KIF13A: variants seen among roughly 807,000 people sequenced by gnomAD.
KIF13A encodes the protein kinesin-like protein KIF13A.
KIF13A carries 79 observed loss-of-function variants against 212.2 expected under a neutral mutation model. The ratio of observed to expected loss-of-function variants is 0.37; its 90% CI spans 0.31 to 0.45. The LOEUF is 0.45. Among genes scored for constraint, KIF13A ranks in the 20% least tolerant of loss-of-function variants. KIF13A has a pLI of 1.00. For synonymous variants in KIF13A, 789 were observed against 808.6 expected (o/e 0.98, Z 0.41); for missense variants, 1,901 against 2,209.0 (o/e 0.86, Z 2.79).
rs762715970 is a variant in KIF13A, at chr6:17,987,422, G to T, written c.42C>A (p.Pro14=). 3.4e-5 allele frequency: 46 copies of T among 1,359,344 alleles called. No homozygotes were observed. Among genetic ancestry groups the T allele is most frequent in the Non-Finnish European group, 4.4e-5 (45 of 1,026,202 alleles). The allele number at this position is 1,359,344 out of a possible 1,614,324, so 84.2% of individuals were successfully genotyped here. The change falls in exon 1 of 39, where the codon CCC becomes CCA. Residue 14 remains proline (P), a synonymous_variant. Coordinates refer to ENST00000259711, the MANE Select transcript of KIF13A (RefSeq NM_022113.6). This position sits in a 1 kb window ranked among gnomAD's most constrained non-coding sequence, Gnocchi z 7.7. ...AAAGCTCCTCACCTCGTCGGTTCAT[G>T]GGCCGGACCCGGACGGCAACTTTTA... is the stretch of plus-strand genomic sequence containing the variant. ...TKVKVAVRVR[P]MNRRELELNT...
intron 2 of KIF13A, among the ~76,000 whole-genome samples, chr6:17,924,538 G>A (rs1775335309): frequency 6.6e-6 from 1 of 152,104 alleles, no homozygotes; most frequent in African/African-American, 2.4e-5. Context: ...AGGACTCGCA[G>A]GAAAAATGAA....
chr6:17,953,485 T>C (rs1410469475), intron 2 of KIF13A: 1 of 152,240 alleles, frequency 6.6e-6, no homozygotes, highest in Non-Finnish European at 1.5e-5. Context: ...CAGAAATTCC[T>C]TGGGTTCTTT....
Position 17,957,063 on chromosome 6 carries a change from G to A in KIF13A, c.146+29991C>T, listed in dbSNP as rs555888120. Among the ~76,000 whole-genome samples the A allele has an allele frequency of 5.3e-5, 8 of 152,228 alleles. No homozygotes were observed. In the South Asian group the frequency reaches 1.7e-3, roughly 32 times the overall value. ...GCCTGGCTAATTTCCTGTGTTTTTA[G>A]TAGAGACAGGGTTTCACCATGTTGG... On this transcript the variant is annotated intron_variant, in intron 2 of 38. Transcript: ENST00000259711.
chr6:17,910,766 CGTT>C (rs1389558282), intron 2 of KIF13A, among the ~76,000 whole-genome samples: 6 of 151,986 alleles, frequency 3.9e-5, no homozygotes, highest in African/African-American at 7.2e-5. Context: ...TTTTGGTTGT[CGTT>C]GTTGTTGTTT....
chr6:17,911,678 CG>C (rs1774072831), intron 2 of KIF13A, among the ~76,000 whole-genome samples: 1 of 115,824 alleles, frequency 8.6e-6, no homozygotes, highest in Non-Finnish European at 1.7e-5. Context: ...GGGGTTGTGG[CG>C]GGGGGTGGTT....
intron 2 of KIF13A, among the ~76,000 whole-genome samples, chr6:17,930,957 C>T (rs1312951183): frequency 6.6e-6 from 1 of 152,210 alleles, no homozygotes; most frequent in Non-Finnish European, 1.5e-5. Context: ...TAATCAACAT[C>T]CGGCAGGTTC....
In KIF13A at chr6:17,915,948, TAA is replaced by T. The variant is rs1212179293; in HGVS notation, c.147-17770_147-17769del. 9.7e-5 allele frequency among the ~76,000 whole-genome samples: 12 copies of T among 123,314 alleles called. No homozygotes were observed. Among genetic ancestry groups the T allele is most frequent in the African/African-American group, 3.9e-4 (11 of 28,218 alleles). 80.9% of individuals were successfully genotyped at this position (123,314 alleles called of 152,430 possible). A position where few individuals can be genotyped will look rare whatever the true frequency, so the allele number is the denominator to read the frequency against. ...AGAGAGCCAGTCTCAAAAAAAAAAATAAAAATAAAAATAAAATAAAATAAAAT... is the reference window on the plus strand; with the variant it reads ...AGAGAGCCAGTCTCAAAAAAAAAAATAAATAAAAATAAAATAAAATAAAAT... On this transcript the variant is annotated intron_variant, in intron 2 of 38. Transcript: ENST00000259711. The surrounding 1 kb of genome is among the most constrained non-coding windows in gnomAD (Gnocchi z 4.4).
downstream of KIF13A, chr6:17,760,675 G>A (rs776572831): frequency 4.1e-5 from 25 of 607,126 alleles, no homozygotes; most frequent in South Asian, 8.0e-5. Flanking sequence ...ACAAAGTGCC[G>A]CTTCTCCCAC....
chr6:17,975,560 C>T (rs1017416496), intron 2 of KIF13A, among the ~76,000 whole-genome samples: 1 of 152,160 alleles, frequency 6.6e-6, no homozygotes, highest in South Asian at 2.1e-4. Context: ...AAAAAAGCTT[C>T]CAGTACAGAA....
In KIF13A at chr6:17,825,878, G is replaced by A. The variant is rs370847942; in HGVS notation, c.1676C>T (p.Thr559Met). 18 of 1,613,794 alleles carry A rather than the reference G, an allele frequency of 1.1e-5. No individual in the cohort carries two copies. The highest frequency in any genetic ancestry group is 4.4e-5 in the South Asian group (4 of 91,084). Residue 559 changes from threonine to methionine, a missense_variant, in exon 16 of 39, where the codon ACG becomes ATG. Thr to Met is a moderately conservative substitution (Grantham distance 81). Around this residue, in one of 5 missense-constraint regions of KIF13A, gnomAD observed 534 missense variants for 536.9 expected, o/e 0.99. Transcript: ENST00000259711. The surrounding 1 kb of genome is among the most constrained non-coding windows in gnomAD (Gnocchi z 4.5). ...RDWLKDFEKETGPPEHDLDAA... is the reference protein window; with the variant it reads ...RDWLKDFEKEMGPPEHDLDAA... ...ATCCAGGTCATGCTCTGGCGGGCCC[G>A]TTTCTTTTTCAAAGTCTTTCAACCA...
chr6:17,771,962 T>C lies in KIF13A; in HGVS notation c.4422A>G (p.Lys1474=). The change falls in exon 37 of 39, where the codon AAA becomes AAG. Residue 1474 remains lysine (K), a synonymous_variant. Transcript: ENST00000259711. The surrounding 1 kb of genome is among the most constrained non-coding windows in gnomAD (Gnocchi z 5.4). ...PKFFKPLMPV[K]EEHKKRIALE... The stretch of plus-strand genomic sequence containing the variant: ...GGGCTATCCTTTTCTTATGCTCCTC[T>C]TTTACAGGCATTAGGGGCTTGAAAA... 6.2e-7 allele frequency: 1 copy of C among 1,614,008 alleles called. No individual in the cohort carries two copies. The highest frequency in any genetic ancestry group is 8.5e-7 in the Non-Finnish European group (1 of 1,179,870).
At position 17,934,148 on chromosome 6, in the gene KIF13A, A is replaced by T. The variant is rs6459580; in HGVS notation, c.147-35968T>A. 0.72 allele frequency among the ~76,000 whole-genome samples: 109,428 copies of T among 152,020 alleles called. 39,956 individuals carry two copies. The highest frequency in any genetic ancestry group is 0.84 in the South Asian group (4,015 of 4,808). ...TAAAAAGACAAGCATTTTCATAAAAACCAGGACACAGTTTCTTCGTAATTA... is the reference window on the plus strand; with the variant it reads ...TAAAAAGACAAGCATTTTCATAAAATCCAGGACACAGTTTCTTCGTAATTA... On this transcript the variant is annotated intron_variant, in intron 2 of 38. Coordinates refer to ENST00000259711, the MANE Select transcript of KIF13A (RefSeq NM_022113.6). The surrounding 1 kb of genome is among the most constrained non-coding windows in gnomAD (Gnocchi z 5.4).
In KIF13A at chr6:17,787,582, T is replaced by TA. The variant is rs1477116916; in HGVS notation, c.3361+193dup. ...AGGAGGATCTCTTGAGGCCAGGAGTTAGAGGCTGCAGTGAGATATGATCCT... is the reference window on the plus strand; with the variant it reads ...AGGAGGATCTCTTGAGGCCAGGAGTTAAGAGGCTGCAGTGAGATATGATCCT... On this transcript the variant is annotated intron_variant, in intron 27 of 38. Coordinates refer to ENST00000259711, the MANE Select transcript of KIF13A (RefSeq NM_022113.6). This position sits in a 1 kb window ranked among gnomAD's most constrained non-coding sequence, Gnocchi z 4.6. Among the ~76,000 whole-genome samples the TA allele has an allele frequency of 1.3e-5, 2 of 152,050 alleles. No individual in the cohort carries two copies. The highest frequency in any genetic ancestry group is 6.6e-5 in the Admixed American group (1 of 15,254).
At chr6:17,766,775 C>A (rs1759029600) in intron 38 of KIF13A, among the ~76,000 whole-genome samples, 2 of 152,070 alleles carry the variant, frequency 1.3e-5, no homozygotes, top group Admixed American at 6.6e-5. Flanking sequence ...ATCTTCAAGG[C>A]ATGGCAAATA....
rs1315700784 is a variant in KIF13A, at chr6:17,982,240, T to C, written c.146+4814A>G. ...CCTCCTAAGTAGCTGGGATTATAGGTGTGCACCACCACACTCGGCTAACTT... is the reference window on the plus strand; with the variant it reads ...CCTCCTAAGTAGCTGGGATTATAGGCGTGCACCACCACACTCGGCTAACTT... On this transcript the variant is annotated intron_variant, in intron 2 of 38. Coordinates refer to ENST00000259711, the MANE Select transcript of KIF13A (RefSeq NM_022113.6). The surrounding 1 kb of genome is among the most constrained non-coding windows in gnomAD (Gnocchi z 5.1). 6.4e-6 allele frequency: 1 copy of C among 155,312 alleles called. No individual in the cohort carries two copies. Among genetic ancestry groups the C allele is most frequent in the Non-Finnish European group, 1.4e-5 (1 of 71,042 alleles). The allele number at this position is 155,312 out of a possible 1,614,324, so 9.6% of individuals were successfully genotyped here. A position where few individuals can be genotyped will look rare whatever the true frequency, so the allele number is the denominator to read the frequency against.
chr6:17,771,441 T>C lies in KIF13A; in HGVS notation c.4477-223A>G. The C allele has an allele frequency of 1.9e-6, 1 of 528,420 alleles. No homozygotes were observed. Among genetic ancestry groups the C allele is most frequent in the Non-Finnish European group, 3.4e-6 (1 of 297,062 alleles). 32.7% of individuals were successfully genotyped at this position (528,420 alleles called of 1,614,324 possible). Reference sequence around the variant, plus strand: ...AATTAGTCTTATTTAAAAAACAGCCTTTTGACCAGGTACAACGGCTCATGC... The same window carrying C: ...AATTAGTCTTATTTAAAAAACAGCCCTTTGACCAGGTACAACGGCTCATGC... On this transcript the variant is annotated intron_variant, in intron 37 of 38. Coordinates refer to ENST00000259711, the MANE Select transcript of KIF13A (RefSeq NM_022113.6). This position sits in a 1 kb window ranked among gnomAD's most constrained non-coding sequence, Gnocchi z 5.4.
downstream of KIF13A, chr6:17,760,309 A>G (rs78307568): frequency 0.026 from 3,976 of 152,396 alleles, 76 homozygotes; most frequent in Non-Finnish European, 0.041. Context: ...CTGCTCATGT[A>G]TAAGAGATCG....
At chr6:17,824,261 T>C (rs1562020428) in intron 16 of KIF13A, among the ~76,000 whole-genome samples, 2 of 152,096 alleles carry the variant, frequency 1.3e-5, no homozygotes, top group Non-Finnish European at 2.9e-5. Context: ...AAAAACTTCA[T>C]AAACAGAAAT....
In KIF13A at chr6:17,987,443, T is replaced by C; in HGVS notation, c.21A>G (p.Lys7=). Residue 7 remains lysine, a synonymous_variant, in exon 1 of 39, where the codon AAA becomes AAG. Coordinates refer to ENST00000259711, the MANE Select transcript of KIF13A (RefSeq NM_022113.6). This position sits in a 1 kb window ranked among gnomAD's most constrained non-coding sequence, Gnocchi z 7.7. MSDTKV[K]VAVRVRPMNR... ...TCATGGGCCGGACCCGGACGGCAAC[T>C]TTTACCTTGGTATCCGACATGTTGG... The C allele has an allele frequency of 7.5e-7, 1 of 1,338,398 alleles. No individual in the cohort carries two copies. The highest frequency in any genetic ancestry group is 9.9e-7 in the Non-Finnish European group (1 of 1,013,810). The allele number at this position is 1,338,398 out of a possible 1,614,324, so 82.9% of individuals were successfully genotyped here. A position where few individuals can be genotyped will look rare whatever the true frequency, so the allele number is the denominator to read the frequency against.
Sources: allele counts gnomAD v4.1 joint callset (sites outside exome capture counted in the v4.1 genomes callset), GRCh38; gene constraint gnomAD v4.1.1; regional missense constraint gnomAD v4.1.1; non-coding constraint Gnocchi (gnomAD v3.1); transcripts MANE v1.5; gene names NCBI Gene and HGNC (gene_info 2026-07-23, HGNC 2026-07-21).